Variants in IL6ST observed in about 807,000 individuals in gnomAD.
IL6ST encodes the protein interleukin-6 receptor subunit beta.
IL6ST carries 24 observed loss-of-function variants against 91.3 expected under a neutral mutation model. That is an observed-to-expected ratio of 0.26 (90% CI 0.19 to 0.37). IL6ST has a LOEUF of 0.37. IL6ST is among the 10% of genes least tolerant of loss of function. The pLI, the probability that IL6ST is intolerant of heterozygous loss-of-function variation, is 1.00. For missense variants in IL6ST, 914 were observed against 1,078.5 expected (o/e 0.85, Z 2.14); for synonymous variants, 351 against 373.6 (o/e 0.94, Z 0.70).
chr5:55,964,098 A>G (rs778177030), intron 6 of IL6ST, 48 bp downstream of exon 6: 2 of 932,380 alleles, frequency 2.1e-6, no homozygotes, highest in Admixed American at 5.7e-5. Flanking sequence ...TTTAATTTGT[A>G]AACGACTACA....
chr5:55,969,150 G>A (rs573164878), intron 4 of IL6ST, among the ~76,000 whole-genome samples: 1 of 149,710 alleles, frequency 6.7e-6, no homozygotes, highest in African/African-American at 2.5e-5. Context: ...TGATGCCACT[G>A]CACTCCAGCC....
intron 14 of IL6ST, among the ~76,000 whole-genome samples, chr5:55,951,140 G>A (rs374262494): frequency 1.6e-4 from 25 of 152,082 alleles, no homozygotes; most frequent in African/African-American, 6.0e-4. Flanking sequence ...AGTCCTTCAA[G>A]TAATCTCTCA....
At chr5:55,973,324 C>T (rs778026233) in intron 3 of IL6ST, among the ~76,000 whole-genome samples, 9 of 152,110 alleles carry the variant, frequency 5.9e-5, no homozygotes, top group African/African-American at 1.2e-4. Flanking sequence ...ACTGCATTTC[C>T]CCCAACCACA....
At chr5:55,950,259 G>A (rs948589209) in intron 14 of IL6ST, 14 of 459,014 alleles carry the variant, frequency 3.1e-5, no homozygotes, top group Non-Finnish European at 5.2e-5. Context: ...TCAAGAGGCC[G>A]GGTGCGGTGG....
intron 3 of IL6ST, among the ~76,000 whole-genome samples, chr5:55,972,586 T>C (rs1753025845): frequency 6.6e-6 from 1 of 152,108 alleles, no homozygotes; most frequent in Admixed American, 6.6e-5. Context: ...GTCAAATTAA[T>C]CCCATTTTAC....
chr5:55,985,759 G>A (rs979760560), intron 1 of IL6ST, among the ~76,000 whole-genome samples: 9 of 152,304 alleles, frequency 5.9e-5, no homozygotes, highest in African/African-American at 2.2e-4. Flanking sequence ...GTTGTTCACA[G>A]GTGTGGGTCT....
At chr5:55,955,122 TTATTA>T in intron 10 of IL6ST, 130 bp from the exon 11 acceptor site, 2 of 644,822 alleles carry the variant, frequency 3.1e-6, no homozygotes. Flanking sequence ...TAAAAGCACT[TTATTA>T]TAACTTACAG....
At position 55,937,911 on chromosome 5, in the gene IL6ST, C is replaced by T. The variant is rs1211397694; in HGVS notation, c.*3171G>A. The T allele has an allele frequency of 6.0e-5, 12 of 198,634 alleles. No individual in the cohort carries two copies. The South Asian group carries it at 7.6e-4, about 13-fold the overall frequency. The allele number at this position is 198,634 out of a possible 1,614,324, so 12.3% of individuals were successfully genotyped here. Reference sequence around the variant, plus strand: ...ATAACAGAATGAAGGAAGATCTCTCCTGCTTGATGTACTTGGTCAATATAT... The same window carrying T: ...ATAACAGAATGAAGGAAGATCTCTCTTGCTTGATGTACTTGGTCAATATAT... On this transcript the variant is annotated 3_prime_UTR_variant, in exon 17 of 17. Coordinates refer to ENST00000381298, the MANE Select transcript of IL6ST (RefSeq NM_002184.4).
At position 55,939,071 on chromosome 5, in the gene IL6ST, G is replaced by A. The variant is rs1048742; in HGVS notation, c.*2011C>T. The A allele has an allele frequency of 4.9e-6, 1 of 206,168 alleles. No homozygotes were observed. Among genetic ancestry groups the A allele is most frequent in the Non-Finnish European group, 9.9e-6 (1 of 100,944 alleles). 12.8% of individuals were successfully genotyped at this position (206,168 alleles called of 1,614,324 possible). A position where few individuals can be genotyped will look rare whatever the true frequency, so the allele number is the denominator to read the frequency against. On this transcript the variant is annotated 3_prime_UTR_variant, in exon 17 of 17. Coordinates refer to ENST00000381298, the MANE Select transcript of IL6ST (RefSeq NM_002184.4). ...TCTTCATGACACTATTTGTTATGAG[G>A]AAAGTTGCAGCTAAATATTAGTCAT...
chr5:55,941,240 T>A lies in IL6ST; in HGVS notation c.2599A>T (p.Met867Leu), dbSNP rs1458812069. The stretch of plus-strand genomic sequence containing the variant: ...TCTGCTGCAGAAACTTCCTGAAACA[T>A]TTTCATTTGCCCAGATCCACAGGAT... ...SQSCGSGQMK[M>L]FQEVSAADAF... The change falls in exon 17 of 17, where the codon ATG becomes TTG. Residue 867 changes from methionine to leucine, a missense_variant. Transcript: ENST00000381298. The A allele has an allele frequency of 1.9e-6, 3 of 1,614,042 alleles. No individual in the cohort carries two copies. The East Asian group carries it at 6.7e-5, about 36-fold the overall frequency.
Position 55,956,052 on chromosome 5 carries a change from A to G in IL6ST, c.1240T>C (p.Leu414=), listed in dbSNP as rs572520652. ...NLVGKSDAAV[L]TIPACDFQAT... ...TGAAAGTCACAGGCAGGGATAGTTA[A>G]AACAGCTGCATCTGATTTGCCAACA... is the stretch of plus-strand genomic sequence containing the variant. Residue 414 remains leucine (L), a synonymous_variant, in exon 10 of 17, where the codon TTA becomes CTA. Coordinates refer to ENST00000381298, the MANE Select transcript of IL6ST (RefSeq NM_002184.4). 2 of 1,613,544 alleles carry G rather than the reference A, an allele frequency of 1.2e-6. No homozygotes were observed. The highest frequency in any genetic ancestry group is 2.2e-5 in the East Asian group (1 of 44,870).
At chr5:55,973,388 G>A (rs563425763) in intron 3 of IL6ST, among the ~76,000 whole-genome samples, 3 of 152,262 alleles carry the variant, frequency 2.0e-5, no homozygotes, top group African/African-American at 7.2e-5. Flanking sequence ...TGTGCTATGA[G>A]ACTTCAGAGG....
intron 7 of IL6ST, among the ~76,000 whole-genome samples, chr5:55,961,930 T>C (rs1178776147): frequency 1.3e-5 from 2 of 152,080 alleles, no homozygotes; most frequent in East Asian, 1.9e-4. Context: ...CAGGTCAGCA[T>C]GACACAACAA....
At chr5:55,974,397 C>T (rs919564316) in intron 3 of IL6ST, among the ~76,000 whole-genome samples, 5 of 152,160 alleles carry the variant, frequency 3.3e-5, no homozygotes, top group Admixed American at 2.6e-4. Flanking sequence ...ACAATCTCCA[C>T]ACACCGCAAC....
intron 15 of IL6ST, among the ~76,000 whole-genome samples, chr5:55,946,579 A>G (rs1751263052): frequency 6.6e-6 from 1 of 152,174 alleles, no homozygotes; most frequent in Non-Finnish European, 1.5e-5. Context: ...ACTTTTGGGA[A>G]GCCAAGGTGG....
At chr5:55,966,294 TA>T (rs1752624238) in intron 5 of IL6ST, among the ~76,000 whole-genome samples, 1 of 152,178 alleles carries the variant, frequency 6.6e-6, no homozygotes, top group Non-Finnish European at 1.5e-5. Context: ...AGACATTCTG[TA>T]ACAGGAAAAA....
intron 5 of IL6ST, among the ~76,000 whole-genome samples, chr5:55,967,472 G>A (rs1752703240): frequency 6.6e-6 from 1 of 151,664 alleles, no homozygotes; most frequent in Non-Finnish European, 1.5e-5. Context: ...GAGCTTATTC[G>A]AATCTTGACT....
At chr5:55,955,067 C>A in intron 10 of IL6ST, 75 bp from the exon 11 acceptor site, 3 of 1,025,264 alleles carry the variant, frequency 2.9e-6, no homozygotes, top group Non-Finnish European at 2.9e-6. Context: ...CAGTCATTTC[C>A]AAAACATGTG....
At position 55,936,124 on chromosome 5, in the gene IL6ST, T is replaced by C. The variant is rs1750508799; in HGVS notation, c.*4958A>G. ...TCACAATGTGAAGGCACATTAATAG[T>C]TGAGATTTTCTTTTCCTTCCAGGTG... On this transcript the variant is annotated 3_prime_UTR_variant, in exon 17 of 17. Transcript: ENST00000381298. 1 of 227,986 alleles carries C rather than the reference T, an allele frequency of 4.4e-6. No individual in the cohort carries two copies. Among genetic ancestry groups the C allele is most frequent in the Admixed American group, 5.7e-5 (1 of 17,608 alleles). The allele number at this position is 227,986 out of a possible 1,614,324, so 14.1% of individuals were successfully genotyped here. A position where few individuals can be genotyped will look rare whatever the true frequency, so the allele number is the denominator to read the frequency against.
Sources: allele counts gnomAD v4.1 joint callset (sites outside exome capture counted in the v4.1 genomes callset), GRCh38; gene constraint gnomAD v4.1.1; transcripts MANE v1.5; gene names NCBI Gene and HGNC (gene_info 2026-07-23, HGNC 2026-07-21).